The following CAMK2B variants were observed in gnomAD, a reference collection of about 807,000 sequenced individuals.
CAMK2B encodes calcium/calmodulin dependent protein kinase II beta, also known as calcium/calmodulin-dependent protein kinase type II subunit beta.
CAMK2B carries 27 observed loss-of-function variants against 93.7 expected under a neutral mutation model. The observed-to-expected ratio is 0.29, with a 90% CI of 0.21 to 0.40. The LOEUF is 0.40. CAMK2B is among the 10% of genes least tolerant of loss of function. The pLI is 1.00. For missense variants in CAMK2B, 568 were observed against 895.8 expected (o/e 0.63, Z 4.67); for synonymous variants, 374 against 358.8 (o/e 1.04, Z -0.48).
chr7:44,228,777 C>T lies in CAMK2B; in HGVS notation c.1468+19G>A. The T allele has an allele frequency of 6.9e-7, 1 of 1,455,518 alleles. No individual in the cohort carries two copies. The highest frequency in any genetic ancestry group is 9.1e-7 in the Non-Finnish European group (1 of 1,104,822). 90.2% of individuals were successfully genotyped at this position (1,455,518 alleles called of 1,614,324 possible). A position where few individuals can be genotyped will look rare whatever the true frequency, so the allele number is the denominator to read the frequency against. On this transcript the variant is annotated intron_variant, in intron 19 of 23. Transcript: ENST00000395749. The stretch of plus-strand genomic sequence containing the variant: ...GCTGTCCGGCAGCAGAGGCGGCAGG[C>T]CTGGGGGCCACTACTTACACGGGGA...
intron 8 of CAMK2B, 25 bp downstream of exon 8, chr7:44,243,225 C>G (rs1028266630): frequency 1.3e-6 from 2 of 1,586,050 alleles, no homozygotes; most frequent in Non-Finnish European, 1.7e-6. Flanking sequence ...GGCCCTGCCC[C>G]GCACCAACTC....
In CAMK2B at chr7:44,228,018, C is replaced by T. The variant is rs115480782; in HGVS notation, c.1468+778G>A. On this transcript the variant is annotated intron_variant, in intron 19 of 23. Transcript: ENST00000395749. ...GACAGCGTGGTGCGTGGAGAGGAGG[C>T]TGCAGGAGTGAAGGGCAGATGCTCT... Among the ~76,000 whole-genome samples, 691 of 151,640 alleles carry T rather than the reference C, an allele frequency of 4.6e-3. 4 individuals are homozygous for T. Among genetic ancestry groups the T allele is most frequent in the African/African-American group, 0.016 (656 of 41,276 alleles).
Position 44,248,348 on chromosome 7 carries a change from C to T in CAMK2B, c.342-1156G>A, listed in dbSNP as rs2096750264. Among the ~76,000 whole-genome samples, 1 of 152,150 alleles carries T rather than the reference C, an allele frequency of 6.6e-6. No homozygotes were observed. The highest frequency in any genetic ancestry group is 1.5e-5 in the Non-Finnish European group (1 of 68,006). ...GCACATCAGACCCAGGGCCACGGAG[C>T]CCCTGCACACACCGAGAGCCCGTGG... On this transcript the variant is annotated intron_variant, in intron 5 of 23. Transcript: ENST00000395749. The surrounding 1 kb of genome is among the most constrained non-coding windows in gnomAD (Gnocchi z 4.1).
chr7:44,265,044 G>A (rs886761880), intron 2 of CAMK2B, among the ~76,000 whole-genome samples: 1 of 152,142 alleles, frequency 6.6e-6, no homozygotes, highest in South Asian at 2.1e-4. Context: ...AGGACGGTGA[G>A]TTCACGGGGT....
chr7:44,313,205 C>T (rs544533078), intron 1 of CAMK2B, among the ~76,000 whole-genome samples: 3 of 152,154 alleles, frequency 2.0e-5, no homozygotes, highest in East Asian at 3.9e-4. Flanking sequence ...AGCACTCCCT[C>T]GCTCCGTCCC....
At position 44,312,167 on chromosome 7, in the gene CAMK2B, A is replaced by G. The variant is rs1793727368; in HGVS notation, c.65+13190T>C. 6.6e-6 allele frequency among the ~76,000 whole-genome samples: 1 copy of G among 152,194 alleles called. No individual in the cohort carries two copies. Among genetic ancestry groups the G allele is most frequent in the Non-Finnish European group, 1.5e-5 (1 of 68,032 alleles). On this transcript the variant is annotated intron_variant, in intron 1 of 23. Transcript: ENST00000395749. This position sits in a 1 kb window ranked among gnomAD's most constrained non-coding sequence, Gnocchi z 4.1. ...TCACAGGGAGGCTGTGCTCTGGTCC[A>G]TCCACACTCCAGAGCCTCCATCCTT...
chr7:44,270,403 G>C (rs889051614), intron 2 of CAMK2B, among the ~76,000 whole-genome samples: 1 of 152,194 alleles, frequency 6.6e-6, no homozygotes, highest in Non-Finnish European at 1.5e-5. Context: ...GCTCCTCCAG[G>C]CTAATCCACA....
chr7:44,273,418 TAGG>T (rs139092023), intron 2 of CAMK2B, among the ~76,000 whole-genome samples: 1 of 151,794 alleles, frequency 6.6e-6, no homozygotes, highest in African/African-American at 2.4e-5. Context: ...ATCGGGTGAG[TAGG>T]AGGAGATTTA....
chr7:44,238,871 A>G (rs1404905335), intron 13 of CAMK2B, among the ~76,000 whole-genome samples: 1 of 151,982 alleles, frequency 6.6e-6, no homozygotes, highest in Non-Finnish European at 1.5e-5. Flanking sequence ...CCTAGCCCTC[A>G]TGGGGTCTGC....
At chr7:44,254,015 G>A (rs1350479079) in intron 5 of CAMK2B, among the ~76,000 whole-genome samples, 3 of 151,860 alleles carry the variant, frequency 2.0e-5, no homozygotes, top group African/African-American at 4.8e-5. Context: ...GTACTGTTAC[G>A]AGAGACATCC....
chr7:44,293,435 G>A (rs937371945), intron 1 of CAMK2B, among the ~76,000 whole-genome samples: 3 of 152,148 alleles, frequency 2.0e-5, no homozygotes, highest in Non-Finnish European at 4.4e-5. Flanking sequence ...CGTGGTCGTC[G>A]TCACTTCTAG....
At chr7:44,291,202 T>A (rs558469114) in intron 1 of CAMK2B, among the ~76,000 whole-genome samples, 1 of 152,242 alleles carries the variant, frequency 6.6e-6, no homozygotes, top group African/African-American at 2.4e-5. Context: ...TCTCTGGCCC[T>A]GGGGTTCCGC....
chr7:44,234,258 G>A, intron 15 of CAMK2B, 132 bp downstream of exon 15: 2 of 731,332 alleles, frequency 2.7e-6, no homozygotes, highest in Middle Eastern at 4.0e-4. Context: ...GAGGGGCGGG[G>A]GCCATGCGAG....
chr7:44,227,788 G>GAGGGTGTGGGGGACACAGA (rs2096532069), intron 19 of CAMK2B, among the ~76,000 whole-genome samples: 1 of 85,726 alleles, frequency 1.2e-5, no homozygotes, highest in Non-Finnish European at 2.3e-5. Context: ...GGGGACAGAG[G>GAGGGTGTGGGGGACACAGA]AGGGTGTGGG....
intron 13 of CAMK2B, among the ~76,000 whole-genome samples, chr7:44,236,040 C>T (rs1184034011): frequency 6.6e-6 from 1 of 152,234 alleles, no homozygotes; most frequent in Non-Finnish European, 1.5e-5. Flanking sequence ...TGCAAATTCC[C>T]AGGCCCACCC....
rs1669512792 is a variant in CAMK2B at position 44,249,779 on chromosome 7, T to G, written c.342-2587A>C. ...CTTCCTCATCGACCTTCTTTCAGCCTCAGACTTACTGAGTCCTGGCCGCAG... is the reference window on the plus strand; with the variant it reads ...CTTCCTCATCGACCTTCTTTCAGCCGCAGACTTACTGAGTCCTGGCCGCAG... On this transcript the variant is annotated intron_variant, in intron 5 of 23. Transcript: ENST00000395749. Among the ~76,000 whole-genome samples, 3 of 152,128 alleles carry G rather than the reference T, an allele frequency of 2.0e-5. No homozygotes were observed. The South Asian group carries it at 6.2e-4, about 31-fold the overall frequency.
chr7:44,223,752 G>A (rs1463427372), intron 20 of CAMK2B, among the ~76,000 whole-genome samples: 4 of 152,086 alleles, frequency 2.6e-5, no homozygotes, highest in Non-Finnish European at 5.9e-5. Flanking sequence ...CCTTCCAGCA[G>A]CCCCCAAGCC....
At chr7:44,318,576 T>C (rs753748346) in intron 1 of CAMK2B, among the ~76,000 whole-genome samples, 11 of 152,334 alleles carry the variant, frequency 7.2e-5, no homozygotes, top group Non-Finnish European at 1.6e-4. Context: ...TGGGATGTGC[T>C]TGACACCCAG....
chr7:44,245,093 C>A, intron 6 of CAMK2B: 2 of 396,052 alleles, frequency 5.0e-6, no homozygotes, highest in Middle Eastern at 3.7e-4. Context: ...TGCTGCATGT[C>A]CCCCCTCCCC....
Sources: allele counts gnomAD v4.1 joint callset (sites outside exome capture counted in the v4.1 genomes callset), GRCh38; gene constraint gnomAD v4.1.1; non-coding constraint Gnocchi (gnomAD v3.1); transcripts MANE v1.5; gene names NCBI Gene and HGNC (gene_info 2026-07-23, HGNC 2026-07-21).